DMTF1: variants seen among roughly 807,000 people sequenced by gnomAD.
The protein encoded by DMTF1 is cyclin-D-binding Myb-like transcription factor 1.
DMTF1 carries 39 observed loss-of-function variants against 91.1 expected under a neutral mutation model. The observed-to-expected ratio is 0.43, with a 90% CI of 0.33 to 0.56. DMTF1 has a LOEUF of 0.56. Ranked by LOEUF, DMTF1 falls within the 20% of genes least tolerant of loss-of-function variation. The pLI, the probability that DMTF1 is intolerant of heterozygous loss-of-function variation, is 0.05. For synonymous variants in DMTF1, 338 were observed against 309.5 expected (o/e 1.09, Z -0.97); for missense variants, 750 against 914.5 (o/e 0.82, Z 2.32).
chr7:87,152,986 A>G (rs909516903), intron 1 of DMTF1: 1 of 154,142 alleles, frequency 6.5e-6, no homozygotes, highest in African/African-American at 2.4e-5. Context: ...TTCTATTTTT[A>G]GTTTTTATTT....
rs747822213 is a variant in DMTF1 at position 87,193,827 on chromosome 7, T to C, written c.1753T>C (p.Ser585Pro). Residue 585 changes from serine (S) to proline (P), a missense_variant, in exon 16 of 18, where the codon TCC (serine) becomes CCC (proline). Transcript: ENST00000331242. ...VATEDITSSISQAELTVDSDI... is the reference protein window; with the variant it reads ...VATEDITSSIPQAELTVDSDI... ...CACAGAGGACATCACTTCTTCCATA[T>C]CCCAAGCAGAACTGACAGTCGATAG... The C allele has an allele frequency of 3.7e-6, 6 of 1,613,296 alleles. No individual in the cohort carries two copies. In the South Asian group the frequency reaches 5.5e-5, roughly 15 times the overall value.
chr7:87,175,018 G>GTTTTTTTTTT (rs1554341380), intron 7 of DMTF1, among the ~76,000 whole-genome samples: 1 of 146,970 alleles, frequency 6.8e-6, no homozygotes, highest in African/African-American at 2.5e-5. Flanking sequence ...GTTTTGTTTT[G>GTTTTTTTTTT]TTTTTGTTTT....
intron 14 of DMTF1, among the ~76,000 whole-genome samples, chr7:87,191,276 T>G (rs1799699216): frequency 6.6e-6 from 1 of 152,154 alleles, no homozygotes; most frequent in Non-Finnish European, 1.5e-5. Flanking sequence ...TGAGTTATAA[T>G]TTATAACCAA....
chr7:87,191,422 G>A (rs1799739477), intron 14 of DMTF1, among the ~76,000 whole-genome samples: 2 of 152,124 alleles, frequency 1.3e-5, no homozygotes, highest in South Asian at 2.1e-4. Flanking sequence ...TGGTTTAGCT[G>A]CTTTGGAAAT....
intron 3 of DMTF1, among the ~76,000 whole-genome samples, chr7:87,165,361 A>C (rs1793593642): frequency 6.6e-6 from 1 of 152,206 alleles, no homozygotes; most frequent in South Asian, 2.1e-4. Context: ...ATGCAAGTAG[A>C]CTTTTTTGTT....
intron 3 of DMTF1, among the ~76,000 whole-genome samples, chr7:87,165,634 G>A (rs1288894100): frequency 6.6e-6 from 1 of 152,170 alleles, no homozygotes; most frequent in Admixed American, 6.5e-5. Context: ...CTATAAAGAT[G>A]ACTCAGAATC....
At chr7:87,155,702 T>G (rs1790498643) in intron 1 of DMTF1, 5 of 152,142 alleles carry the variant, frequency 3.3e-5, no homozygotes, top group Admixed American at 3.3e-4. Context: ...TAGATAAGTT[T>G]AAATAAAAGG....
At chr7:87,195,008 G>GACTA (rs1337148763) in intron 17 of DMTF1, 23 bp from the exon 18 acceptor site, 5 of 1,569,558 alleles carry the variant, frequency 3.2e-6, no homozygotes, top group Admixed American at 3.4e-5. Flanking sequence ...ATACATTTAA[G>GACTA]ACTAACTTGA....
chr7:87,173,518 ACTTTTAC>A lies in DMTF1; in HGVS notation c.328-11_328-5del. ...GTTTTGTTTTGTTTTGTTTTGTTTT[ACTTTTAC>A]CTTTTCAAGATTTTGCAGAATGAGC... On this transcript the variant is annotated splice_polypyrimidine_tract_variant and intron_variant, in intron 5 of 17. Transcript: ENST00000331242. 6.6e-7 allele frequency: 1 copy of A among 1,526,496 alleles called. No individual in the cohort carries two copies. Among genetic ancestry groups the A allele is most frequent in the Non-Finnish European group, 9.0e-7 (1 of 1,109,942 alleles). 94.6% of individuals were successfully genotyped at this position (1,526,496 alleles called of 1,614,324 possible). A position where few individuals can be genotyped will look rare whatever the true frequency, so the allele number is the denominator to read the frequency against.
At position 87,195,164 on chromosome 7, in the gene DMTF1, TCAAG is replaced by T; in HGVS notation, c.*28_*31del. On this transcript the variant is annotated 3_prime_UTR_variant, in exon 18 of 18. Coordinates refer to ENST00000331242, the MANE Select transcript of DMTF1 (RefSeq NM_001142327.2). ...AGAATAATTCTTAGAAATAGGCAGT[TCAAG>T]CAAAGAAGGCACACTGTTAATTACA... 6.5e-7 allele frequency: 1 copy of T among 1,531,974 alleles called. No individual in the cohort carries two copies. The highest frequency in any genetic ancestry group is 9.0e-7 in the Non-Finnish European group (1 of 1,107,922). The allele number at this position is 1,531,974 out of a possible 1,614,324, so 94.9% of individuals were successfully genotyped here.
intron 13 of DMTF1, 121 bp from the exon 14 acceptor site, chr7:87,190,824 C>T: frequency 2.8e-6 from 2 of 714,248 alleles, no homozygotes; most frequent in Non-Finnish European, 2.2e-6. Context: ...CTTCAGGTCT[C>T]CAGGCAAATT....
At chr7:87,194,347 A>G (rs947539237) in intron 16 of DMTF1, 1 of 476,270 alleles carries the variant, frequency 2.1e-6, no homozygotes, top group African/African-American at 2.0e-5. Context: ...CCTACAATAC[A>G]TTGAGAAATG....
At chr7:87,182,423 G>T in intron 10 of DMTF1, 86 bp downstream of exon 10, 1 of 1,273,478 alleles carries the variant, frequency 7.9e-7, no homozygotes, top group Non-Finnish European at 1.1e-6. Context: ...TGCTCTTGGG[G>T]AGCGATTTAG....
intron 6 of DMTF1, among the ~76,000 whole-genome samples, chr7:87,174,300 T>C (rs1033869772): frequency 1.3e-5 from 2 of 152,188 alleles, no homozygotes; most frequent in African/African-American, 4.8e-5. Context: ...TTTATTTTTA[T>C]AAGTTTCTTT....
chr7:87,191,730 G>A (rs1358714739), intron 14 of DMTF1, among the ~76,000 whole-genome samples: 1 of 152,072 alleles, frequency 6.6e-6, no homozygotes, highest in African/African-American at 2.4e-5. Flanking sequence ...GTCCAAAATA[G>A]GCAAATTTGT....
chr7:87,153,654 T>C (rs1789929279), intron 1 of DMTF1, among the ~76,000 whole-genome samples: 1 of 152,204 alleles, frequency 6.6e-6, no homozygotes, highest in African/African-American at 2.4e-5. Flanking sequence ...TGGATTTGAT[T>C]ATGTGTGCCT....
At chr7:87,183,340 G>A (rs1444530607) in intron 10 of DMTF1, among the ~76,000 whole-genome samples, 2 of 152,210 alleles carry the variant, frequency 1.3e-5, no homozygotes, top group Admixed American at 1.3e-4. Context: ...GATGCTGTGA[G>A]TACAGAACCC....
intron 1 of DMTF1, among the ~76,000 whole-genome samples, chr7:87,159,005 CT>C (rs1791512290): frequency 6.6e-6 from 1 of 152,068 alleles, no homozygotes; most frequent in South Asian, 2.1e-4. Flanking sequence ...AATGTTTCCC[CT>C]GTTCTTTTAA....
At position 87,189,229 on chromosome 7, in the gene DMTF1, A is replaced by G. The variant is rs749014837; in HGVS notation, c.1411+928A>G. Among the ~76,000 whole-genome samples, 21 of 152,312 alleles carry G rather than the reference A, an allele frequency of 1.4e-4. No individual in the cohort carries two copies. The Middle Eastern group carries it at 0.01, about 74-fold the overall frequency. ...CCCTGGTTGAGAATCGCAGAACCAC[A>G]TATTGGTGTTTAACACCATATATCC... On this transcript the variant is annotated intron_variant, in intron 13 of 17. Transcript: ENST00000331242.
Sources: allele counts gnomAD v4.1 joint callset (sites outside exome capture counted in the v4.1 genomes callset), GRCh38; gene constraint gnomAD v4.1.1; transcripts MANE v1.5; gene names NCBI Gene and HGNC (gene_info 2026-07-23, HGNC 2026-07-21).